Variants in TTLL7 observed in about 807,000 individuals in gnomAD.
TTLL7 encodes tubulin tyrosine ligase like 7, also known as tubulin polyglutamylase TTLL7.
TTLL7 carries 53 observed loss-of-function variants against 120.2 expected under a neutral mutation model. The observed-to-expected ratio is 0.44, with a 90% CI of 0.35 to 0.55. The LOEUF is 0.55. Among genes scored for constraint, TTLL7 ranks in the 20% least tolerant of loss-of-function variants. The pLI is 0.00. For synonymous variants in TTLL7, 353 were observed against 351.7 expected (o/e 1.00, Z -0.04); for missense variants, 803 against 1,054.7 (o/e 0.76, Z 3.31).
intron 18 of TTLL7, among the ~76,000 whole-genome samples, chr1:83,893,336 C>G (rs1274720629): frequency 1.3e-5 from 2 of 151,770 alleles, no homozygotes; most frequent in African/African-American, 2.4e-5. Flanking sequence ...GTACTTGATA[C>G]TTATGCAATG....
At position 83,927,176 on chromosome 1, in the gene TTLL7, T is replaced by C. The variant is rs369906215; in HGVS notation, c.1142+1960A>G. On this transcript the variant is annotated intron_variant, in intron 10 of 20. Coordinates refer to ENST00000260505, the MANE Select transcript of TTLL7 (RefSeq NM_024686.6). ...GAGACTAAAAGCATATGTTTACAAA[T>C]TGAACCTGAAGGTCATACTGTAAGC... Among the ~76,000 whole-genome samples the C allele has an allele frequency of 4.3e-4, 65 of 152,294 alleles. 1 individual carries two copies. In the South Asian group the frequency reaches 0.013, roughly 30 times the overall value.
chr1:83,947,866 TTC>T (rs1261598616), intron 5 of TTLL7, among the ~76,000 whole-genome samples: 1 of 152,172 alleles, frequency 6.6e-6, no homozygotes, highest in African/African-American at 2.4e-5. Flanking sequence ...GTGAATTGTC[TTC>T]TTTTTTTAAA....
Position 83,919,921 on chromosome 1 carries a change from C to T in TTLL7, c.1365-87G>A, listed in dbSNP as rs1037695600. 4.6e-6 allele frequency: 6 copies of T among 1,315,160 alleles called. No homozygotes were observed. The Admixed American group carries it at 9.9e-5, about 22-fold the overall frequency. 81.5% of individuals were successfully genotyped at this position (1,315,160 alleles called of 1,614,324 possible). A position where few individuals can be genotyped will look rare whatever the true frequency, so the allele number is the denominator to read the frequency against. The stretch of plus-strand genomic sequence containing the variant: ...ATCAACTCCATAGACAATCCTTGAC[C>T]ATCTATTCTATACCAGTCACATTGC... On this transcript the variant is annotated intron_variant, in intron 12 of 20. Transcript: ENST00000260505.
intron 1 of TTLL7, among the ~76,000 whole-genome samples, chr1:83,956,572 C>T (rs1649537335): frequency 1.3e-5 from 2 of 152,178 alleles, no homozygotes; most frequent in Non-Finnish European, 2.9e-5. Flanking sequence ...GGATTACAGG[C>T]ATGCGCCACC....
At position 83,883,058 on chromosome 1, in the gene TTLL7, C is replaced by T. The variant is rs762064418; in HGVS notation, c.2448G>A (p.Val816=). ...CTAGCAGGCACTGTTTACAAAGCTC[C>T]ACTAGGCGCTGGCAACACTGGAGCT... The part of the protein sequence containing the change: ...PLQLQCCQRL[V]ELCKQCLLVV... Residue 816 remains valine (V), a synonymous_variant, in exon 20 of 21, where the codon GTG becomes GTA. Coordinates refer to ENST00000260505, the MANE Select transcript of TTLL7 (RefSeq NM_024686.6). The T allele has an allele frequency of 6.2e-7, 1 of 1,612,642 alleles. No individual in the cohort carries two copies. The highest frequency in any genetic ancestry group is 1.1e-5 in the South Asian group (1 of 90,988).
chr1:83,907,724 G>C, intron 15 of TTLL7, 63 bp from the exon 16 acceptor site: 2 of 1,448,692 alleles, frequency 1.4e-6, no homozygotes, highest in Non-Finnish European at 1.9e-6. Flanking sequence ...TTCACTGTAT[G>C]AAGTCTATAT....
chr1:83,949,728 T>C, intron 4 of TTLL7, 137 bp downstream of exon 4: 2 of 895,742 alleles, frequency 2.2e-6, no homozygotes, highest in South Asian at 1.6e-5. Context: ...TACAACTGGA[T>C]AGCAACAAAA....
At chr1:83,963,874 T>C (rs1361553462) in intron 1 of TTLL7, among the ~76,000 whole-genome samples, 1 of 152,082 alleles carries the variant, frequency 6.6e-6, no homozygotes, top group Non-Finnish European at 1.5e-5. Context: ...TTAAATTAAA[T>C]CCCAGAAAAA....
intron 18 of TTLL7, among the ~76,000 whole-genome samples, chr1:83,900,500 T>C (rs535685332): frequency 2.0e-5 from 3 of 151,940 alleles, no homozygotes; most frequent in Non-Finnish European, 4.4e-5. Flanking sequence ...ATATGTGGTG[T>C]GTGAGATTGT....
intron 1 of TTLL7, among the ~76,000 whole-genome samples, chr1:83,962,468 T>G (rs1650094631): frequency 6.6e-6 from 1 of 152,150 alleles, no homozygotes; most frequent in African/African-American, 2.4e-5. Context: ...ATATGTAACA[T>G]TCACTGAATT....
At chr1:83,871,704 G>C (rs1410166122) in intron 20 of TTLL7, among the ~76,000 whole-genome samples, 2 of 151,846 alleles carry the variant, frequency 1.3e-5, no homozygotes, top group East Asian at 1.9e-4. Flanking sequence ...GACCATCCTG[G>C]CTAACATGGT....
chr1:83,989,755 T>C (rs1652811300), intron 1 of TTLL7, among the ~76,000 whole-genome samples: 1 of 152,234 alleles, frequency 6.6e-6, no homozygotes, highest in Non-Finnish European at 1.5e-5. Flanking sequence ...ATCTGTAGAC[T>C]GCTTTGGGCA....
At chr1:83,971,282 G>C (rs1650944691) in intron 1 of TTLL7, among the ~76,000 whole-genome samples, 1 of 152,004 alleles carries the variant, frequency 6.6e-6, no homozygotes, top group Non-Finnish European at 1.5e-5. Context: ...AGCCAACACA[G>C]CCTGCCATGG....
chr1:83,923,900 C>G (rs1436288321), intron 10 of TTLL7, among the ~76,000 whole-genome samples: 1 of 152,056 alleles, frequency 6.6e-6, no homozygotes, highest in Non-Finnish European at 1.5e-5. Flanking sequence ...TACTTATTAC[C>G]TTATAATTCC....
intron 18 of TTLL7, among the ~76,000 whole-genome samples, chr1:83,892,226 G>GTATATA (rs1557560687): frequency 6.3e-4 from 88 of 139,262 alleles, no homozygotes; most frequent in African/African-American, 2.3e-3. Context: ...GAATATATAT[G>GTATATA]TGTATATATA....
chr1:83,885,592 T>A (rs1482600330), intron 19 of TTLL7, among the ~76,000 whole-genome samples: 1 of 151,936 alleles, frequency 6.6e-6, no homozygotes, highest in Non-Finnish European at 1.5e-5. Flanking sequence ...TAGCCAAGAG[T>A]AAATTCTACT....
chr1:83,897,099 T>C (rs1199427138), intron 18 of TTLL7, among the ~76,000 whole-genome samples: 1 of 151,632 alleles, frequency 6.6e-6, no homozygotes, highest in Non-Finnish European at 1.5e-5. Flanking sequence ...AGGCAAATAA[T>C]TTTTTTTTAA....
At chr1:83,871,532 G>A (rs550400619) in intron 20 of TTLL7, among the ~76,000 whole-genome samples, 7 of 152,272 alleles carry the variant, frequency 4.6e-5, no homozygotes, top group South Asian at 2.1e-4. Flanking sequence ...ACAGAGATTC[G>A]TAATTAGTCT....
intron 6 of TTLL7, chr1:83,945,982 T>A (rs1648455493): frequency 6.6e-6 from 1 of 152,116 alleles, no homozygotes; most frequent in Non-Finnish European, 1.5e-5. Context: ...AAAAGAAAAA[T>A]TTTGAACAAT....
Sources: gnomAD v4.1 joint callset for allele counts (sites outside exome capture counted in the v4.1 genomes callset) on GRCh38, gnomAD v4.1.1 for gene constraint, MANE v1.5 for transcripts, NCBI Gene and HGNC (gene_info 2026-07-23, HGNC 2026-07-21) for gene names.